Variants in FOXJ3 observed in about 807,000 individuals in gnomAD.
The protein encoded by FOXJ3 is forkhead box protein J3.
FOXJ3 carries 22 observed loss-of-function variants against 76.1 expected under a neutral mutation model. That is an observed-to-expected ratio of 0.29 (90% confidence interval 0.21 to 0.41). The LOEUF (loss-of-function observed/expected upper bound fraction) is 0.41. Among genes scored for constraint, FOXJ3 ranks in the 10% least tolerant of loss-of-function variants. The probability of loss-of-function intolerance (pLI) is 1.00; values close to 1 mark genes in which losing one functional copy is unlikely to be tolerated. For missense variants in FOXJ3, 613 were observed against 762.1 expected, an observed-to-expected ratio of 0.80 and a Z score of 2.30; for synonymous variants, 269 against 261.2, an observed-to-expected ratio of 1.03 and a Z score of -0.29.
chr1:42,235,381 C>G (rs1648524463), intron 4 of FOXJ3, among the ~76,000 whole-genome samples: 1 of 152,220 alleles, frequency 6.6e-6, no homozygotes, highest in African/African-American at 2.4e-5. Flanking sequence ...CCTGCTTCGG[C>G]TCACGCTCGG....
chr1:42,249,983 T>A (rs1649888922), intron 4 of FOXJ3, among the ~76,000 whole-genome samples: 1 of 152,200 alleles, frequency 6.6e-6, no homozygotes, highest in Non-Finnish European at 1.5e-5. Flanking sequence ...ATACCGTGTA[T>A]CATAAATGCA....
chr1:42,217,443 G>A (rs193087140), intron 5 of FOXJ3, among the ~76,000 whole-genome samples: 1 of 152,034 alleles, frequency 6.6e-6, no homozygotes, highest in African/African-American at 2.4e-5. Flanking sequence ...GCAGAAGAAT[G>A]GCTTGCACCC....
chr1:42,216,745 G>C (rs955775368), intron 5 of FOXJ3, among the ~76,000 whole-genome samples: 7 of 152,058 alleles, frequency 4.6e-5, no homozygotes, highest in Admixed American at 3.3e-4. Context: ...GGTTAAGGAT[G>C]TACACTGAAA....
chr1:42,335,699 G>C (rs2247153), upstream of FOXJ3: 100,248 of 151,562 alleles, frequency 0.66, 33,755 homozygotes, highest in Admixed American at 0.76. Context: ...CGCGGATTCC[G>C]GGACCCCCAA....
At chr1:42,266,900 G>A (rs1651506127) in intron 3 of FOXJ3, among the ~76,000 whole-genome samples, 1 of 152,086 alleles carries the variant, frequency 6.6e-6, no homozygotes, top group African/African-American at 2.4e-5. Flanking sequence ...GTGCCTCTAG[G>A]AAGGGATAGG....
chr1:42,295,294 T>C (rs1418310959), intron 2 of FOXJ3, among the ~76,000 whole-genome samples: 2 of 152,152 alleles, frequency 1.3e-5, no homozygotes, highest in Admixed American at 1.3e-4. Context: ...CTTCCACTTA[T>C]AAGTGAGAAC....
intron 8 of FOXJ3, among the ~76,000 whole-genome samples, chr1:42,192,679 T>C (rs1024292691): frequency 3.3e-5 from 5 of 152,178 alleles, no homozygotes; most frequent in Admixed American, 1.3e-4. Flanking sequence ...CATTTGGTTC[T>C]ATGTAACTAG....
intron 1 of FOXJ3, among the ~76,000 whole-genome samples, chr1:42,314,290 G>T (rs1209288205): frequency 6.6e-6 from 1 of 152,140 alleles, no homozygotes; most frequent in African/African-American, 2.4e-5. Flanking sequence ...CACTCTTGCT[G>T]CCCAGGCTGG....
chr1:42,178,496 A>ATC lies in FOXJ3; in HGVS notation c.*1213_*1214insGA. 1 of 152,266 alleles carries ATC rather than the reference A, an allele frequency of 6.6e-6. No individual in the cohort carries two copies. Among genetic ancestry groups the ATC allele is most frequent in the South Asian group, 2.1e-4 (1 of 4,836 alleles). 9.4% of individuals were successfully genotyped at this position (152,266 alleles called of 1,614,324 possible). A position where few individuals can be genotyped will look rare whatever the true frequency, so the allele number is the denominator to read the frequency against. ...TCTGTAAATTCTTATCAAGAAAAGTAACGCTGGGCCAGGCGCAGTGGCTCA... is the reference window on the plus strand; with the variant it reads ...TCTGTAAATTCTTATCAAGAAAAGTATCACGCTGGGCCAGGCGCAGTGGCTCA... On this transcript the variant is annotated 3_prime_UTR_variant, in exon 13 of 13. Coordinates refer to ENST00000361346, the MANE Select transcript of FOXJ3 (RefSeq NM_014947.5).
chr1:42,199,625 A>C (rs1067177), intron 6 of FOXJ3, among the ~76,000 whole-genome samples: 1 of 68,810 alleles, frequency 1.5e-5, no homozygotes, highest in Admixed American at 1.1e-4. Flanking sequence ...GAAGCACATA[A>C]AAAAAAAAAG....
At chr1:42,313,947 A>T (rs1241549909) in intron 1 of FOXJ3, among the ~76,000 whole-genome samples, 1 of 152,202 alleles carries the variant, frequency 6.6e-6, no homozygotes, top group African/African-American at 2.4e-5. Context: ...CCAAACAAAT[A>T]TCTAACATTC....
intron 5 of FOXJ3, among the ~76,000 whole-genome samples, chr1:42,211,808 A>C (rs1235563230): frequency 6.6e-6 from 1 of 152,212 alleles, no homozygotes; most frequent in Non-Finnish European, 1.5e-5. Flanking sequence ...AGAAACTCAT[A>C]TAGAGTTTTC....
intron 3 of FOXJ3, among the ~76,000 whole-genome samples, chr1:42,273,521 A>G (rs934854409): frequency 4.0e-5 from 6 of 151,808 alleles, no homozygotes; most frequent in African/African-American, 1.5e-4. Flanking sequence ...TAAAAATACA[A>G]AAAAATAGCT....
intron 2 of FOXJ3, among the ~76,000 whole-genome samples, chr1:42,284,059 T>C (rs1448078572): frequency 6.6e-6 from 1 of 152,166 alleles, no homozygotes; most frequent in South Asian, 2.1e-4. Context: ...TGAAGTAGAT[T>C]GTGAAGCTGC....
intron 12 of FOXJ3, among the ~76,000 whole-genome samples, chr1:42,180,279 G>A (rs1391873477): frequency 1.3e-5 from 2 of 152,150 alleles, no homozygotes; most frequent in African/African-American, 4.8e-5. Context: ...TAATTTCTGT[G>A]CCACCAAGTA....
intron 4 of FOXJ3, among the ~76,000 whole-genome samples, chr1:42,254,083 C>A (rs1170231820): frequency 6.6e-6 from 1 of 151,966 alleles, no homozygotes; most frequent in Admixed American, 6.6e-5. Flanking sequence ...GGGCTAATAT[C>A]CAGAATCTAC....
chr1:42,217,722 G>C (rs1647100011), intron 5 of FOXJ3, among the ~76,000 whole-genome samples: 1 of 152,134 alleles, frequency 6.6e-6, no homozygotes, highest in Admixed American at 6.5e-5. Flanking sequence ...ATTTTCTCCA[G>C]ATCACTGCTT....
At chr1:42,334,748 T>C (rs900141817) in intron 1 of FOXJ3, among the ~76,000 whole-genome samples, 46 of 150,598 alleles carry the variant, frequency 3.1e-4, no homozygotes, top group African/African-American at 1.1e-3. Context: ...GCCCCCGGGA[T>C]CCACGTCTGG....
intron 5 of FOXJ3, among the ~76,000 whole-genome samples, chr1:42,224,128 C>T (rs949498975): frequency 6.6e-6 from 1 of 152,060 alleles, no homozygotes; most frequent in African/African-American, 2.4e-5. Context: ...TAACAACTTG[C>T]CAAAAGTCAC....
Sources: allele counts gnomAD v4.1 joint callset (sites outside exome capture counted in the v4.1 genomes callset), GRCh38; gene constraint gnomAD v4.1.1; transcripts MANE v1.5; gene names NCBI Gene and HGNC (gene_info 2026-07-23, HGNC 2026-07-21).